PRR5L: variants seen among roughly 807,000 people sequenced by gnomAD.
The protein encoded by PRR5L is proline rich 5 like, also known as proline-rich protein 5-like.
Under a neutral mutation model 36.4 loss-of-function variants are expected in PRR5L, and 21 were observed. The observed-to-expected ratio is 0.58, with a 90% confidence interval of 0.41 to 0.83. PRR5L has a LOEUF of 0.83. Ranked by LOEUF, PRR5L falls within the 40% of genes least tolerant of loss-of-function variation. The probability of loss-of-function intolerance (pLI) is 0.00; values close to 1 mark genes in which losing one functional copy is unlikely to be tolerated. For missense variants in PRR5L, 381 were observed against 473.3 expected (o/e 0.80, Z 1.81); for synonymous variants, 188 against 197.0 (o/e 0.95, Z 0.38).
intron 1 of PRR5L, among the ~76,000 whole-genome samples, chr11:36,366,949 A>G (rs1857150700): frequency 6.6e-6 from 1 of 152,156 alleles, no homozygotes; most frequent in South Asian, 2.1e-4. Context: ...ACAGGAATGA[A>G]TAAGCATACA....
In PRR5L at chr11:36,463,471, C is replaced by T. The variant is rs1859234168; in HGVS notation, c.*735C>T. On this transcript the variant is annotated 3_prime_UTR_variant, in exon 9 of 9. Transcript: ENST00000530639. ...TTTCCCTCTCAGGCTTCCTCTCAAG[C>T]TCAAGGAACTCACCCCCAGATAAGA... 1 of 152,378 alleles carries T rather than the reference C, an allele frequency of 6.6e-6. No homozygotes were observed. Among genetic ancestry groups the T allele is most frequent in the Non-Finnish European group, 1.5e-5 (1 of 68,016 alleles). 9.4% of individuals were successfully genotyped at this position (152,378 alleles called of 1,614,324 possible). A position where few individuals can be genotyped will look rare whatever the true frequency, so the allele number is the denominator to read the frequency against.
chr11:36,357,048 T>A (rs961411243), intron 1 of PRR5L, among the ~76,000 whole-genome samples: 12 of 152,198 alleles, frequency 7.9e-5, no homozygotes, highest in Admixed American at 6.5e-5. Flanking sequence ...TTAAAAGTGC[T>A]ACTCCAGTGA....
chr11:36,353,731 A>G (rs762949979), intron 1 of PRR5L, among the ~76,000 whole-genome samples: 8 of 152,186 alleles, frequency 5.3e-5, no homozygotes, highest in Non-Finnish European at 7.3e-5. Flanking sequence ...CTCCTATAAG[A>G]ATTTAATGCT....
At position 36,296,300 on chromosome 11, in the gene PRR5L, C is replaced by T. The variant is rs1856310582; in HGVS notation, c.-264C>T. On this transcript the variant is annotated 5_prime_UTR_variant, in exon 1 of 9. Coordinates refer to ENST00000530639, the MANE Select transcript of PRR5L (RefSeq NM_001160167.2). ...CTGCTTCTCTGTCAGTCTTCAGGCC[C>T]CAGGTCAGTGAGTGGCAAGCCAGGC... is the stretch of plus-strand genomic sequence containing the variant. 6.6e-6 allele frequency: 1 copy of T among 152,188 alleles called. No homozygotes were observed. Among genetic ancestry groups the T allele is most frequent in the Admixed American group, 6.5e-5 (1 of 15,272 alleles). The allele number at this position is 152,188 out of a possible 1,614,324, so 9.4% of individuals were successfully genotyped here.
chr11:36,362,419 C>A (rs1857099533), intron 1 of PRR5L, among the ~76,000 whole-genome samples: 1 of 149,436 alleles, frequency 6.7e-6, no homozygotes, highest in Non-Finnish European at 1.5e-5. Flanking sequence ...TCACACATCA[C>A]CCTTGGCGGG....
At chr11:36,357,123 A>G (rs1281686537) in intron 1 of PRR5L, among the ~76,000 whole-genome samples, 1 of 152,178 alleles carries the variant, frequency 6.6e-6, no homozygotes, top group Non-Finnish European at 1.5e-5. Flanking sequence ...AGTGGTTTGG[A>G]TGGATGATCA....
At position 36,420,126 on chromosome 11, in the gene PRR5L, C is replaced by T. The variant is rs543837896; in HGVS notation, c.294+823C>T. Among the ~76,000 whole-genome samples the T allele has an allele frequency of 4.6e-5, 7 of 152,328 alleles. No individual in the cohort carries two copies. In the East Asian group the frequency reaches 1.4e-3, roughly 29 times the overall value. On this transcript the variant is annotated intron_variant, in intron 4 of 8. Coordinates refer to ENST00000530639, the MANE Select transcript of PRR5L (RefSeq NM_001160167.2). Reference sequence around the variant, plus strand: ...AGAGGGAATGGGGAGTGTTGAGTGACAAGGAGTCACTGACTGGACGGCACC... The same window carrying T: ...AGAGGGAATGGGGAGTGTTGAGTGATAAGGAGTCACTGACTGGACGGCACC...
At chr11:36,400,395 T>A (rs1857765733) in intron 1 of PRR5L, among the ~76,000 whole-genome samples, 1 of 152,230 alleles carries the variant, frequency 6.6e-6, no homozygotes. Context: ...AGCAGGGATT[T>A]GGTCTTAGAA....
intron 1 of PRR5L, among the ~76,000 whole-genome samples, chr11:36,373,139 G>A (rs1191913479): frequency 1.3e-5 from 2 of 152,122 alleles, no homozygotes; most frequent in African/African-American, 4.8e-5. Flanking sequence ...CTGCCTCAGG[G>A]ATAGCTACTC....
chr11:36,324,177 G>A (rs1201651776), intron 1 of PRR5L, among the ~76,000 whole-genome samples: 1 of 152,088 alleles, frequency 6.6e-6, no homozygotes, highest in Admixed American at 6.6e-5. Context: ...AATAAATTAT[G>A]ACATAATTAG....
intron 1 of PRR5L, chr11:36,376,395 G>A (rs1418208764): frequency 2.6e-6 from 3 of 1,159,636 alleles, no homozygotes; most frequent in Non-Finnish European, 3.2e-6. Context: ...AGATGAGAGA[G>A]GAGGGAAACG....
intron 1 of PRR5L, among the ~76,000 whole-genome samples, chr11:36,374,877 C>T (rs1243020300): frequency 1.3e-5 from 2 of 152,176 alleles, no homozygotes; most frequent in Non-Finnish European, 2.9e-5. Flanking sequence ...GCCATTTTGG[C>T]TCCAGGCTTT....
At position 36,419,420 on chromosome 11, in the gene PRR5L, C is replaced by T. The variant is rs976116921; in HGVS notation, c.294+117C>T. The T allele has an allele frequency of 1.9e-5, 17 of 887,348 alleles. 1 individual carries two copies. Among genetic ancestry groups the T allele is most frequent in the Admixed American group, 1.6e-4 (9 of 57,706 alleles). 55.0% of individuals were successfully genotyped at this position (887,348 alleles called of 1,614,324 possible). A position where few individuals can be genotyped will look rare whatever the true frequency, so the allele number is the denominator to read the frequency against. ...CTTCAACAGACAAAATTACGTATCT[C>T]AAGTCCCTGCTGTGTGCTGCACGTT... On this transcript the variant is annotated intron_variant, in intron 4 of 8. Transcript: ENST00000530639.
At chr11:36,457,064 G>A (rs1213030834) in intron 8 of PRR5L, among the ~76,000 whole-genome samples, 1 of 152,202 alleles carries the variant, frequency 6.6e-6, no homozygotes, top group Non-Finnish European at 1.5e-5. Context: ...AGGATCACTG[G>A]AGACACCTTT....
intron 1 of PRR5L, among the ~76,000 whole-genome samples, chr11:36,352,887 T>G (rs542195032): frequency 6.6e-6 from 1 of 152,316 alleles, no homozygotes; most frequent in South Asian, 2.1e-4. Context: ...GACAGCCATA[T>G]TGGGCACAGT....
At chr11:36,447,536 C>G (rs542403167) in intron 7 of PRR5L, among the ~76,000 whole-genome samples, 3 of 152,354 alleles carry the variant, frequency 2.0e-5, no homozygotes, top group Non-Finnish European at 4.4e-5. Flanking sequence ...GCCTCTTCAC[C>G]TCTGTAACAA....
At chr11:36,340,414 G>A (rs1193508399) in intron 1 of PRR5L, among the ~76,000 whole-genome samples, 1 of 152,154 alleles carries the variant, frequency 6.6e-6, no homozygotes, top group Non-Finnish European at 1.5e-5. Flanking sequence ...TTTCTAGCTT[G>A]TCACAAATAA....
intron 1 of PRR5L, among the ~76,000 whole-genome samples, chr11:36,392,872 T>A (rs936355982): frequency 6.6e-6 from 1 of 152,180 alleles, no homozygotes; most frequent in Admixed American, 6.5e-5. Flanking sequence ...TCCTGACACA[T>A]GGGGATTATA....
chr11:36,410,396 C>T lies in PRR5L; in HGVS notation c.245+7018C>T, dbSNP rs116590665. The stretch of plus-strand genomic sequence containing the variant: ...TTACAGTACACACTCACTTGCCTCC[C>T]TTCTTTGCCTGCCTGCCCCTGTGGC... On this transcript the variant is annotated intron_variant, in intron 3 of 8. Coordinates refer to ENST00000530639, the MANE Select transcript of PRR5L (RefSeq NM_001160167.2). Among the ~76,000 whole-genome samples the T allele has an allele frequency of 3.1e-3, 467 of 152,264 alleles. 2 individuals carry two copies. Among genetic ancestry groups the T allele is most frequent in the African/African-American group, 8.8e-3 (364 of 41,548 alleles).
Sources: gnomAD v4.1 joint callset for allele counts (sites outside exome capture counted in the v4.1 genomes callset) on GRCh38, gnomAD v4.1.1 for gene constraint, MANE v1.5 for transcripts, NCBI Gene and HGNC (gene_info 2026-07-23, HGNC 2026-07-21) for gene names.